Variants in ADAMTSL1 observed in about 807,000 individuals in gnomAD.
The protein encoded by ADAMTSL1 is ADAMTS like 1.
A neutral mutation model predicts 201.8 loss-of-function variants in ADAMTSL1; 126 were observed. That is an observed-to-expected ratio of 0.62 (90% CI 0.54 to 0.72). The LOEUF (loss-of-function observed/expected upper bound fraction) is 0.72, where lower values mean the gene tolerates loss of function less well. Ranked by LOEUF, ADAMTSL1 falls within the 30% of genes least tolerant of loss-of-function variation. The probability of loss-of-function intolerance (pLI) is 0.00; values close to 1 mark genes in which losing one functional copy is unlikely to be tolerated. For synonymous variants in ADAMTSL1, 1,121 were observed against 903.4 expected (o/e 1.24, Z -4.32); for missense variants, 2,679 against 2,277.8 (o/e 1.18, Z -3.59).
chr9:18,814,771 G>A (rs1408468828), intron 20 of ADAMTSL1, among the ~76,000 whole-genome samples: 3 of 152,050 alleles, frequency 2.0e-5, no homozygotes, highest in Admixed American at 1.3e-4. Context: ...AATAACTATC[G>A]AGTACTAGGT....
chr9:18,537,919 A>G (rs1819887175), intron 3 of ADAMTSL1, among the ~76,000 whole-genome samples: 2 of 149,618 alleles, frequency 1.3e-5, no homozygotes, highest in Admixed American at 6.7e-5. Flanking sequence ...AGAAGAAGAG[A>G]AGAAAGAAGA....
intron 2 of ADAMTSL1, among the ~76,000 whole-genome samples, chr9:18,259,661 A>G (rs1053494073): frequency 6.6e-6 from 1 of 152,120 alleles, no homozygotes; most frequent in Non-Finnish European, 1.5e-5. Context: ...TTAGGTTTCC[A>G]TCACTTTGAC....
Position 18,538,424 on chromosome 9 carries a change from G to A in ADAMTSL1, c.237+5132G>A, listed in dbSNP as rs143245753. On this transcript the variant is annotated intron_variant, in intron 3 of 28. Coordinates refer to ENST00000380548, the MANE Select transcript of ADAMTSL1 (RefSeq NM_001040272.6). ...CAGTTTCTACACTCAAACAGTGAGAGATTTGAAATGAATGACCTCAAAGGT... is the reference window on the plus strand; with the variant it reads ...CAGTTTCTACACTCAAACAGTGAGAAATTTGAAATGAATGACCTCAAAGGT... Among the ~76,000 whole-genome samples, 38 of 152,194 alleles carry A rather than the reference G, an allele frequency of 2.5e-4. No homozygotes were observed. In the East Asian group the frequency reaches 7.1e-3, roughly 29 times the overall value.
At chr9:18,320,497 G>T (rs1180706445) in intron 2 of ADAMTSL1, among the ~76,000 whole-genome samples, 1 of 152,178 alleles carries the variant, frequency 6.6e-6, no homozygotes, top group Non-Finnish European at 1.5e-5. Context: ...CAGATCTACA[G>T]TGTAACAACT....
intron 7 of ADAMTSL1, among the ~76,000 whole-genome samples, chr9:18,651,750 C>T (rs768913963): frequency 6.6e-6 from 1 of 152,018 alleles, no homozygotes; most frequent in Non-Finnish European, 1.5e-5. Flanking sequence ...GAGTATTAGG[C>T]AAAGATGATG....
rs774233845 is a variant in ADAMTSL1, at chr9:18,776,905, G to A, written c.2676G>A (p.Lys892=). 6.2e-7 allele frequency: 1 copy of A among 1,610,036 alleles called. No homozygotes were observed. Among genetic ancestry groups the A allele is most frequent in the Admixed American group, 1.7e-5 (1 of 59,546 alleles). ...VVGGFAYLLP[K]TAVVLRCPAR... ...GGGGCTTCGCCTACCTGCTCCCCAA[G>A]ACGGCGGTGGTGCTGCGCTGCCCGG... is the stretch of plus-strand genomic sequence containing the variant. Residue 892 remains lysine, a synonymous_variant, in exon 19 of 29, where the codon AAG becomes AAA. Transcript: ENST00000380548.
intron 2 of ADAMTSL1, among the ~76,000 whole-genome samples, chr9:18,165,372 T>A (rs529987869): frequency 1.3e-5 from 2 of 152,038 alleles, no homozygotes; most frequent in African/African-American, 4.8e-5. Context: ...ATGAACTAAT[T>A]AGGGACATAA....
intron 13 of ADAMTSL1, among the ~76,000 whole-genome samples, chr9:18,704,026 C>G (rs991058061): frequency 4.0e-5 from 6 of 151,838 alleles, no homozygotes; most frequent in African/African-American, 1.5e-4. Context: ...GAAACTAAGA[C>G]CTAAAATAAG....
intron 1 of ADAMTSL1, among the ~76,000 whole-genome samples, chr9:18,005,031 C>T (rs546230107): frequency 6.6e-6 from 1 of 152,214 alleles, no homozygotes; most frequent in South Asian, 2.1e-4. Flanking sequence ...CATGGAATTA[C>T]TTATTCACAG....
chr9:18,218,327 A>G (rs951550624), intron 2 of ADAMTSL1, among the ~76,000 whole-genome samples: 1 of 152,188 alleles, frequency 6.6e-6, no homozygotes, highest in Non-Finnish European at 1.5e-5. Flanking sequence ...TGAGTGAGGC[A>G]TTTCATTTAA....
chr9:18,388,755 A>T (rs577407861), intron 2 of ADAMTSL1, among the ~76,000 whole-genome samples: 21 of 145,168 alleles, frequency 1.4e-4, no homozygotes, highest in Middle Eastern at 3.7e-3. Context: ...ATAGCACTGA[A>T]TTTTTTTTTC....
intron 23 of ADAMTSL1, among the ~76,000 whole-genome samples, chr9:18,860,603 G>C (rs903131811): frequency 4.0e-5 from 6 of 151,870 alleles, no homozygotes; most frequent in Admixed American, 3.9e-4. Context: ...TTTTTGACAA[G>C]AGTGAAGAGT....
intron 2 of ADAMTSL1, among the ~76,000 whole-genome samples, chr9:18,531,230 G>A (rs17209122): frequency 0.24 from 35,811 of 152,030 alleles, 4,881 homozygotes; most frequent in Admixed American, 0.34. Context: ...AGCACTCTCT[G>A]TTCTCAGCAG....
chr9:18,402,076 C>T (rs1180847225), intron 2 of ADAMTSL1, among the ~76,000 whole-genome samples: 2 of 152,166 alleles, frequency 1.3e-5, no homozygotes, highest in Non-Finnish European at 2.9e-5. Flanking sequence ...TGAGAGTTAT[C>T]ACCGAAATCT....
intron 22 of ADAMTSL1, among the ~76,000 whole-genome samples, chr9:18,829,464 A>C (rs1824836853): frequency 6.6e-6 from 1 of 152,148 alleles, no homozygotes; most frequent in East Asian, 1.9e-4. Flanking sequence ...AATGGACTGA[A>C]ATGTATTTAG....
intron 23 of ADAMTSL1, among the ~76,000 whole-genome samples, chr9:18,848,812 A>G (rs909479101): frequency 1.3e-5 from 2 of 152,278 alleles, no homozygotes; most frequent in Non-Finnish European, 2.9e-5. Flanking sequence ...GCCATAGACC[A>G]TAAGTAAATG....
intron 1 of ADAMTSL1, among the ~76,000 whole-genome samples, chr9:18,138,083 C>A (rs1826235057): frequency 6.6e-6 from 1 of 152,112 alleles, no homozygotes. Flanking sequence ...CACTTGCTGG[C>A]CGCATGTTCT....
At position 18,603,341 on chromosome 9, in the gene ADAMTSL1, A is replaced by ATATGCTATGC. The variant is rs5896789; in HGVS notation, c.475-18833_475-18824dup. Reference sequence around the variant, plus strand: ...TTTAGATCCATCTGTCTCCAAAGCTATATGCTATGCTATGCTATGCTATGC... The same window carrying ATATGCTATGC: ...TTTAGATCCATCTGTCTCCAAAGCTATATGCTATGCTATGCTATGCTATGCTATGCTATGC... On this transcript the variant is annotated intron_variant, in intron 4 of 28. Coordinates refer to ENST00000380548, the MANE Select transcript of ADAMTSL1 (RefSeq NM_001040272.6). Among the ~76,000 whole-genome samples, 573 of 118,550 alleles carry ATATGCTATGC rather than the reference A, an allele frequency of 4.8e-3. 36 individuals are homozygous for ATATGCTATGC. The highest frequency in any genetic ancestry group is 7.5e-3 in the South Asian group (25 of 3,346). 77.8% of individuals were successfully genotyped at this position (118,550 alleles called of 152,430 possible).
chr9:18,767,351 G>A (rs1457854574), intron 16 of ADAMTSL1, among the ~76,000 whole-genome samples: 1 of 152,172 alleles, frequency 6.6e-6, no homozygotes, highest in Non-Finnish European at 1.5e-5. Context: ...AAAGTATTGT[G>A]GAGAATATAG....
Sources: allele counts gnomAD v4.1 joint callset (sites outside exome capture counted in the v4.1 genomes callset), GRCh38; gene constraint gnomAD v4.1.1; transcripts MANE v1.5; gene names NCBI Gene and HGNC (gene_info 2026-07-23, HGNC 2026-07-21).